The following PIEZO2 variants were observed in gnomAD, a reference collection of about 807,000 sequenced individuals.
The protein encoded by PIEZO2 is piezo type mechanosensitive ion channel component 2, also known as piezo-type mechanosensitive ion channel component 2.
PIEZO2 carries 172 observed loss-of-function variants against 337.3 expected under a neutral mutation model. That is an observed-to-expected ratio of 0.51 (90% CI 0.45 to 0.58). The LOEUF (loss-of-function observed/expected upper bound fraction) is 0.58, where lower values mean the gene tolerates loss of function less well. Among genes scored for constraint, PIEZO2 ranks in the 20% least tolerant of loss-of-function variants. The probability of loss-of-function intolerance (pLI) is 0.00; values close to 1 mark genes in which losing one functional copy is unlikely to be tolerated. For missense variants in PIEZO2, 3,028 were observed against 3,391.3 expected, an observed-to-expected ratio of 0.89 and a Z score of 2.66; for synonymous variants, 1,251 against 1,228.5, an observed-to-expected ratio of 1.02 and a Z score of -0.38.
intron 4 of PIEZO2, among the ~76,000 whole-genome samples, chr18:10,910,742 A>T (rs1344786358): frequency 1.3e-5 from 2 of 152,170 alleles, no homozygotes; most frequent in African/African-American, 2.4e-5. Context: ...GAAAAACATC[A>T]TCTCAGGTTT....
At position 10,837,533 on chromosome 18, in the gene PIEZO2, C is replaced by T. The variant is rs1399967414; in HGVS notation, c.917+17820G>A. Among the ~76,000 whole-genome samples the T allele has an allele frequency of 6.6e-6, 1 of 152,132 alleles. No individual in the cohort carries two copies. The highest frequency in any genetic ancestry group is 1.5e-5 in the Non-Finnish European group (1 of 68,036). On this transcript the variant is annotated intron_variant, in intron 7 of 55. Transcript: ENST00000674853. This position sits in a 1 kb window ranked among gnomAD's most constrained non-coding sequence, Gnocchi z 4.4. ...GGGGCCAGCAAGAAAGCTTGAGAAC[C>T]ACTGGTAGATGGTATCAATATCTCT...
chr18:10,681,859 A>G (rs1216838997), intron 50 of PIEZO2, 106 bp from the exon 51 acceptor site: 2 of 1,023,188 alleles, frequency 2.0e-6, no homozygotes, highest in African/African-American at 3.2e-5. Flanking sequence ...TATGTAGGCT[A>G]TGTTTATCCC....
chr18:10,726,309 G>T lies in PIEZO2; in HGVS notation c.5029+5098C>A. 8.5e-7 allele frequency: 1 copy of T among 1,172,416 alleles called. No homozygotes were observed. The highest frequency in any genetic ancestry group is 1.2e-6 in the Non-Finnish European group (1 of 832,596). The allele number at this position is 1,172,416 out of a possible 1,614,324, so 72.6% of individuals were successfully genotyped here. A position where few individuals can be genotyped will look rare whatever the true frequency, so the allele number is the denominator to read the frequency against. On this transcript the variant is annotated intron_variant, in intron 36 of 55. Transcript: ENST00000674853. This position sits in a 1 kb window ranked among gnomAD's most constrained non-coding sequence, Gnocchi z 5.9. ...TCGCGGCCAGAGCCCCGGCCAGGTG[G>T]AGCAGGTGGGTCCCCGAACGCCCCG...
At chr18:11,049,280 T>C (rs1159868978) in intron 2 of PIEZO2, among the ~76,000 whole-genome samples, 1 of 152,176 alleles carries the variant, frequency 6.6e-6, no homozygotes, top group Non-Finnish European at 1.5e-5. Flanking sequence ...GAAGCAGGAA[T>C]CTGAGAATTC....
chr18:10,726,859 C>T lies in PIEZO2; in HGVS notation c.5029+4548G>A, dbSNP rs1011565882. On this transcript the variant is annotated intron_variant, in intron 36 of 55. Coordinates refer to ENST00000674853, the MANE Select transcript of PIEZO2 (RefSeq NM_001378183.1). This position sits in a 1 kb window ranked among gnomAD's most constrained non-coding sequence, Gnocchi z 5.9. The stretch of plus-strand genomic sequence containing the variant: ...GCCCCACCTTATGCAGGACTTGGCA[C>T]GCTACCGGCAGCAGCTGAAGCACAT... The T allele has an allele frequency of 4.4e-6, 7 of 1,595,270 alleles. No homozygotes were observed. Among genetic ancestry groups the T allele is most frequent in the African/African-American group, 1.3e-5 (1 of 74,254 alleles).
intron 3 of PIEZO2, among the ~76,000 whole-genome samples, chr18:10,944,477 T>C (rs577273735): frequency 7.7e-6 from 1 of 130,524 alleles, no homozygotes; most frequent in South Asian, 2.4e-4. Flanking sequence ...AGATTATATA[T>C]ATCTTAGTAA....
At chr18:10,831,377 A>AT (rs1362211797) in intron 7 of PIEZO2, among the ~76,000 whole-genome samples, 2 of 152,208 alleles carry the variant, frequency 1.3e-5, no homozygotes, top group Non-Finnish European at 2.9e-5. Flanking sequence ...TTGCAGCAAC[A>AT]TGGATGGAAC....
At chr18:11,042,501 T>C in intron 2 of PIEZO2, among the ~76,000 whole-genome samples, 1 of 152,214 alleles carries the variant, frequency 6.6e-6, no homozygotes, top group East Asian at 1.9e-4. Flanking sequence ...CAGTGACCAG[T>C]GTCGGTTTCT....
rs1423357014 is a variant in PIEZO2 at position 10,979,214 on chromosome 18, C to G, written c.286+321G>C. On this transcript the variant is annotated intron_variant, in intron 3 of 55. Transcript: ENST00000674853. This position sits in a 1 kb window ranked among gnomAD's most constrained non-coding sequence, Gnocchi z 4.0. ...AATTGTACCTTTTTTTTTTTTTACT[C>G]GCTGTAATGAAAGCTCCAAGGGCTG... is the stretch of plus-strand genomic sequence containing the variant. 6.8e-6 allele frequency among the ~76,000 whole-genome samples: 1 copy of G among 146,850 alleles called. No homozygotes were observed. The highest frequency in any genetic ancestry group is 2.5e-5 in the African/African-American group (1 of 39,810).
rs992464890 is a variant in PIEZO2 at position 11,033,815 on chromosome 18, G to A, written c.160+32312C>T. ...CAAGCTTGGGATGCTCAACATAATG[G>A]AGTGCATAATCACGGACTGCTAAGA... On this transcript the variant is annotated intron_variant, in intron 2 of 55. Coordinates refer to ENST00000674853, the MANE Select transcript of PIEZO2 (RefSeq NM_001378183.1). The surrounding 1 kb of genome is among the most constrained non-coding windows in gnomAD (Gnocchi z 4.2). Among the ~76,000 whole-genome samples the A allele has an allele frequency of 6.6e-6, 1 of 152,142 alleles. No homozygotes were observed. Among genetic ancestry groups the A allele is most frequent in the East Asian group, 1.9e-4 (1 of 5,182 alleles).
intron 2 of PIEZO2, among the ~76,000 whole-genome samples, chr18:11,057,026 A>C (rs2145876821): frequency 6.6e-6 from 1 of 152,194 alleles, no homozygotes; most frequent in South Asian, 2.1e-4. Flanking sequence ...AATGGTGGGT[A>C]CTTAACTAAT....
intron 9 of PIEZO2, 89 bp from the exon 10 acceptor site, chr18:10,801,517 GC>G: frequency 1.6e-6 from 2 of 1,215,072 alleles, no homozygotes; most frequent in Non-Finnish European, 2.3e-6. Context: ...CTGTGCACAA[GC>G]CCATTCTCTT....
chr18:11,110,835 A>G lies in PIEZO2; in HGVS notation c.64+37690T>C, dbSNP rs1479290523. Among the ~76,000 whole-genome samples, 2 of 152,054 alleles carry G rather than the reference A, an allele frequency of 1.3e-5. No homozygotes were observed. Among genetic ancestry groups the G allele is most frequent in the Non-Finnish European group, 2.9e-5 (2 of 68,016 alleles). ...CAGCACAGTGTTTTAAACTTGAAGT[A>G]TAGGATCAGGCTGGATTGTCTGTGG... On this transcript the variant is annotated intron_variant, in intron 1 of 55. Coordinates refer to ENST00000674853, the MANE Select transcript of PIEZO2 (RefSeq NM_001378183.1). The surrounding 1 kb of genome is among the most constrained non-coding windows in gnomAD (Gnocchi z 4.2).
rs1186153707 is a variant in PIEZO2, at chr18:10,789,220, G to T, written c.2028C>A (p.Gly676=). ...TGATGAACATGGCCACCACCAGATT[G>T]CCCAGGACTTTCATGATGTCCTGCT... ...EDEQDIMKVL[G]NLVVAMFIKY... The change falls in exon 15 of 56, where the codon GGC becomes GGA. Residue 676 remains glycine (G), a synonymous_variant. Transcript: ENST00000674853. 1 of 1,537,144 alleles carries T rather than the reference G, an allele frequency of 6.5e-7. No homozygotes were observed. The highest frequency in any genetic ancestry group is 1.4e-5 in the African/African-American group (1 of 73,040).
Position 11,126,262 on chromosome 18 carries a change from T to C in PIEZO2, c.64+22263A>G, listed in dbSNP as rs1034458611. On this transcript the variant is annotated intron_variant, in intron 1 of 55. Transcript: ENST00000674853. This position sits in a 1 kb window ranked among gnomAD's most constrained non-coding sequence, Gnocchi z 4.6. Reference sequence around the variant, plus strand: ...GTTTTTACTATCACAGTTTTGTTTATTATTTTCCAGAAATCGGTTTTGGTG... The same window carrying C: ...GTTTTTACTATCACAGTTTTGTTTACTATTTTCCAGAAATCGGTTTTGGTG... Among the ~76,000 whole-genome samples the C allele has an allele frequency of 6.6e-6, 1 of 152,206 alleles. No homozygotes were observed.
At position 10,807,364 on chromosome 18, in the gene PIEZO2, G is replaced by A. The variant is rs189485679; in HGVS notation, c.918-90C>T. The A allele has an allele frequency of 1.2e-5, 14 of 1,200,612 alleles. No individual in the cohort carries two copies. The Admixed American group carries it at 1.2e-4, about 10-fold the overall frequency. The allele number at this position is 1,200,612 out of a possible 1,614,324, so 74.4% of individuals were successfully genotyped here. On this transcript the variant is annotated intron_variant, in intron 7 of 55. Coordinates refer to ENST00000674853, the MANE Select transcript of PIEZO2 (RefSeq NM_001378183.1). Reference sequence around the variant, plus strand: ...AAAGTACTTTGTTTTTGATACATTCGTGAGCTATTCCTAGGTTGATCCGTT... The same window carrying A: ...AAAGTACTTTGTTTTTGATACATTCATGAGCTATTCCTAGGTTGATCCGTT...
intron 54 of PIEZO2, among the ~76,000 whole-genome samples, chr18:10,674,934 C>T (rs142621478): frequency 3.3e-5 from 5 of 152,256 alleles, no homozygotes; most frequent in African/African-American, 9.6e-5. Flanking sequence ...AGAAACAAGT[C>T]TATAATCTGA....
rs577957172 is a variant in PIEZO2 at position 11,031,946 on chromosome 18, C to A, written c.160+34181G>T. The stretch of plus-strand genomic sequence containing the variant: ...TCCAAGATACGAGACAAAACTCGTT[C>A]TCTCTCTGTCTTTCTCTGTTTCTCT... On this transcript the variant is annotated intron_variant, in intron 2 of 55. Transcript: ENST00000674853. This position sits in a 1 kb window ranked among gnomAD's most constrained non-coding sequence, Gnocchi z 4.7. Among the ~76,000 whole-genome samples, 2 of 152,156 alleles carry A rather than the reference C, an allele frequency of 1.3e-5. No homozygotes were observed. Among genetic ancestry groups the A allele is most frequent in the Admixed American group, 6.5e-5 (1 of 15,270 alleles).
intron 2 of PIEZO2, among the ~76,000 whole-genome samples, chr18:10,986,225 A>G (rs768058307): frequency 6.6e-6 from 1 of 151,998 alleles, no homozygotes; most frequent in Non-Finnish European, 1.5e-5. Flanking sequence ...ACACTTCCAA[A>G]CTCATTCTAT....
Sources: allele counts gnomAD v4.1 joint callset (sites outside exome capture counted in the v4.1 genomes callset), GRCh38; gene constraint gnomAD v4.1.1; non-coding constraint Gnocchi (gnomAD v3.1); transcripts MANE v1.5; gene names NCBI Gene and HGNC (gene_info 2026-07-23, HGNC 2026-07-21).